RBM19: variants seen among roughly 807,000 people sequenced by gnomAD.
RBM19 encodes RNA binding motif protein 19.
A neutral mutation model predicts 116.8 loss-of-function variants in RBM19; 94 were observed. That is an observed-to-expected ratio of 0.80 (90% CI 0.68 to 0.95). RBM19 has a LOEUF of 0.95. RBM19 is among the 40% of genes least tolerant of loss of function. The pLI, the probability that RBM19 is intolerant of heterozygous loss-of-function variation, is 0.00. For synonymous variants in RBM19, 475 were observed against 494.1 expected (o/e 0.96, Z 0.51); for missense variants, 1,161 against 1,220.7 (o/e 0.95, Z 0.73).
chr12:113,926,301 T>C (rs1482235441), intron 17 of RBM19, among the ~76,000 whole-genome samples: 2 of 152,234 alleles, frequency 1.3e-5, no homozygotes, highest in Non-Finnish European at 2.9e-5. Context: ...GGTCAATTCT[T>C]ATGGCCAGCT....
chr12:113,958,894 A>G (rs1872219814), intron 5 of RBM19, among the ~76,000 whole-genome samples: 1 of 152,098 alleles, frequency 6.6e-6, no homozygotes, highest in African/African-American at 2.4e-5. Flanking sequence ...TTATTTGCTT[A>G]TTGTTTCTCT....
chr12:113,930,759 G>A (rs540612705), intron 16 of RBM19, among the ~76,000 whole-genome samples: 119 of 152,198 alleles, frequency 7.8e-4, no homozygotes, highest in African/African-American at 2.7e-3. Flanking sequence ...AGCAACAACC[G>A]CCCTACACCT....
chr12:113,918,474 C>G, intron 19 of RBM19, 27 bp from the exon 20 acceptor site: 1 of 1,612,662 alleles, frequency 6.2e-7, no homozygotes, highest in Non-Finnish European at 8.5e-7. Flanking sequence ...CATGGCTCAT[C>G]TCTCTGTCCC....
intron 8 of RBM19, 53 bp from the exon 9 acceptor site, chr12:113,950,207 G>C: frequency 6.9e-7 from 1 of 1,449,596 alleles, no homozygotes; most frequent in Non-Finnish European, 9.7e-7. Flanking sequence ...AGACACTTGT[G>C]GTGGTCCCCA....
intron 19 of RBM19, among the ~76,000 whole-genome samples, chr12:113,919,716 A>C (rs539945682): frequency 3.9e-5 from 6 of 152,136 alleles, no homozygotes; most frequent in African/African-American, 7.2e-5. Context: ...GCAGGAAGGC[A>C]TATCTCCCTT....
chr12:113,906,443 G>T (rs1425093872), intron 21 of RBM19, among the ~76,000 whole-genome samples: 1 of 152,136 alleles, frequency 6.6e-6, no homozygotes, highest in Non-Finnish European at 1.5e-5. Context: ...TAAGAGAGTG[G>T]CTGCTCTTGG....
At position 113,918,475 on chromosome 12, in the gene RBM19, T is replaced by A. The variant is rs749256219; in HGVS notation, c.2386-28A>T. On this transcript the variant is annotated intron_variant, in intron 19 of 23. Coordinates refer to ENST00000261741, the MANE Select transcript of RBM19 (RefSeq NM_016196.4). ...AAGAGAGAAGACAACATGGCTCATC[T>A]CTCTGTCCCGAGAAATACTCACCCG... 2.9e-5 allele frequency: 47 copies of A among 1,612,252 alleles called. 1 individual carries two copies. The highest frequency in any genetic ancestry group is 3.3e-4 in the Middle Eastern group (2 of 6,036).
chr12:113,840,306 G>A (rs562717505), intron 23 of RBM19, among the ~76,000 whole-genome samples: 1 of 152,294 alleles, frequency 6.6e-6, no homozygotes, highest in East Asian at 1.9e-4. Flanking sequence ...GTCCACACAG[G>A]TGAGGCCAGC....
At chr12:113,889,323 AG>A (rs1880774850) in intron 21 of RBM19, among the ~76,000 whole-genome samples, 1 of 152,164 alleles carries the variant, frequency 6.6e-6, no homozygotes, top group African/African-American at 2.4e-5. Flanking sequence ...GCACATCCCG[AG>A]CTGCAGTTCC....
In RBM19 at chr12:113,881,889, G is replaced by A. The variant is rs141642944; in HGVS notation, c.2559-22993C>T. Among the ~76,000 whole-genome samples, 11 of 152,372 alleles carry A rather than the reference G, an allele frequency of 7.2e-5. No individual in the cohort carries two copies. In the East Asian group the frequency reaches 1.9e-3, roughly 27 times the overall value. On this transcript the variant is annotated intron_variant, in intron 21 of 23. Coordinates refer to ENST00000261741, the MANE Select transcript of RBM19 (RefSeq NM_016196.4). ...TCCGGAGGCCCAGTTATTCTGTGGG[G>A]TAGAAGCAAAGCCTTCCTGCAGAGA...
rs185241624 is a variant in RBM19 at position 113,836,609 on chromosome 12, T to C, written c.2785+8059A>G. 1.3e-3 allele frequency among the ~76,000 whole-genome samples: 203 copies of C among 152,146 alleles called. 4 individuals are homozygous for C. The highest frequency in any genetic ancestry group is 4.7e-3 in the African/African-American group (193 of 41,498). ...AGCATAATGAGTTACTGTAACTGAC[T>C]TGGAAGGCAGGACATTACGGTTGCT... On this transcript the variant is annotated intron_variant, in intron 23 of 23. Coordinates refer to ENST00000261741, the MANE Select transcript of RBM19 (RefSeq NM_016196.4).
intron 22 of RBM19, among the ~76,000 whole-genome samples, chr12:113,854,448 C>T (rs1358111739): frequency 6.6e-6 from 1 of 152,066 alleles, no homozygotes; most frequent in Non-Finnish European, 1.5e-5. Flanking sequence ...CCTTGACTTC[C>T]TACACCACCC....
intron 20 of RBM19, among the ~76,000 whole-genome samples, chr12:113,915,792 T>C (rs571107446): frequency 6.6e-6 from 1 of 152,350 alleles, no homozygotes; most frequent in Non-Finnish European, 1.5e-5. Flanking sequence ...TGTTTGAAGA[T>C]TTAATAAGCA....
At chr12:113,858,558 C>A (rs1411163061) in intron 22 of RBM19, among the ~76,000 whole-genome samples, 1 of 152,196 alleles carries the variant, frequency 6.6e-6, no homozygotes, top group Non-Finnish European at 1.5e-5. Context: ...CAGGTTCCTG[C>A]ATATGTGAAA....
chr12:113,902,598 C>CAAAA (rs60289889), intron 21 of RBM19, among the ~76,000 whole-genome samples: 5 of 114,912 alleles, frequency 4.4e-5, no homozygotes, highest in East Asian at 2.5e-4. Context: ...GACCCAGTCT[C>CAAAA]AAAAAAAAAA....
intron 23 of RBM19, among the ~76,000 whole-genome samples, chr12:113,828,518 G>A (rs562273830): frequency 1.1e-4 from 17 of 152,150 alleles, no homozygotes; most frequent in Non-Finnish European, 2.1e-4. Context: ...GGCAGGGGGC[G>A]GGGGCACAGG....
chr12:113,905,674 T>C (rs1467679981), intron 21 of RBM19, among the ~76,000 whole-genome samples: 1 of 149,848 alleles, frequency 6.7e-6, no homozygotes, highest in South Asian at 2.2e-4. Context: ...ACCCACAGAA[T>C]GGGAGACACT....
At chr12:113,920,452 T>A (rs1368496942) in intron 19 of RBM19, among the ~76,000 whole-genome samples, 159 bp downstream of exon 19, 2 of 152,090 alleles carry the variant, frequency 1.3e-5, no homozygotes, top group Non-Finnish European at 2.9e-5. Flanking sequence ...GGTTCTTAAT[T>A]TTTTCTTGGG....
At chr12:113,919,343 G>A (rs1033951401) in intron 19 of RBM19, among the ~76,000 whole-genome samples, 6 of 152,192 alleles carry the variant, frequency 3.9e-5, no homozygotes, top group African/African-American at 1.2e-4. Flanking sequence ...AGGCTAAGGC[G>A]GGCGGATCAC....
Sources: allele counts gnomAD v4.1 joint callset (sites outside exome capture counted in the v4.1 genomes callset), GRCh38; gene constraint gnomAD v4.1.1; transcripts MANE v1.5; gene names NCBI Gene and HGNC (gene_info 2026-07-23, HGNC 2026-07-21).